Variants in PLCL1 observed in about 807,000 individuals in gnomAD.
PLCL1 encodes the protein inactive phospholipase C-like protein 1.
Under a neutral mutation model 84.4 loss-of-function variants are expected in PLCL1, and 41 were observed. The observed-to-expected ratio is 0.49, with a 90% CI of 0.38 to 0.63. The LOEUF is 0.63. Ranked by LOEUF, PLCL1 falls within the 30% of genes least tolerant of loss-of-function variation. The pLI, the probability that PLCL1 is intolerant of heterozygous loss-of-function variation, is 0.00. For missense variants in PLCL1, 1,206 were observed against 1,367.8 expected (o/e 0.88, Z 1.87); for synonymous variants, 490 against 488.3 (o/e 1.00, Z -0.05).
At chr2:198,121,616 A>G (rs527773218) in intron 5 of PLCL1, among the ~76,000 whole-genome samples, 1 of 152,078 alleles carries the variant, frequency 6.6e-6, no homozygotes, top group Non-Finnish European at 1.5e-5. Context: ...AGTTTACTGT[A>G]GGTGTGTAGA....
intron 1 of PLCL1, among the ~76,000 whole-genome samples, chr2:197,954,493 G>A (rs1249643811): frequency 6.6e-6 from 1 of 151,994 alleles, no homozygotes; most frequent in Non-Finnish European, 1.5e-5. Context: ...TAATCTCTAT[G>A]GTTTTTCAGC....
intron 1 of PLCL1, among the ~76,000 whole-genome samples, chr2:197,812,384 A>G (rs1369306158): frequency 6.6e-6 from 1 of 152,212 alleles, no homozygotes; most frequent in Non-Finnish European, 1.5e-5. Flanking sequence ...ACTGCTTTCC[A>G]CAGTGACTGA....
chr2:198,031,207 C>CAA (rs58115602), intron 1 of PLCL1, among the ~76,000 whole-genome samples: 1,304 of 79,652 alleles, frequency 0.016, 37 homozygotes, highest in African/African-American at 0.051. Flanking sequence ...CTTGTCTCTA[C>CAA]AAAAAAAAAA....
intron 5 of PLCL1, among the ~76,000 whole-genome samples, chr2:198,112,056 T>C (rs1250691403): frequency 1.3e-5 from 2 of 151,890 alleles, no homozygotes; most frequent in African/African-American, 4.8e-5. Flanking sequence ...ACAACTCTCT[T>C]TTCTCAATCT....
intron 5 of PLCL1, among the ~76,000 whole-genome samples, chr2:198,104,809 G>T (rs943219132): frequency 3.3e-5 from 5 of 152,000 alleles, no homozygotes; most frequent in Non-Finnish European, 7.4e-5. Context: ...TTATATGCTT[G>T]TTGGCCGCGT....
chr2:198,013,050 T>A (rs1476900795), intron 1 of PLCL1, among the ~76,000 whole-genome samples: 1 of 152,100 alleles, frequency 6.6e-6, no homozygotes, highest in East Asian at 1.9e-4. Flanking sequence ...GAACATAGAT[T>A]TATCATTACT....
At chr2:197,903,468 ATTTTTTTTTTTTTTTTT>A (rs3056105) in intron 1 of PLCL1, among the ~76,000 whole-genome samples, 7 of 47,796 alleles carry the variant, frequency 1.5e-4, no homozygotes, top group South Asian at 2.2e-3. Context: ...CTCCATTTAA[ATTTTTTTTTTTTTTTTT>A]TTTTTTTTTT....
At chr2:198,145,928 G>A (rs1474401182) in intron 5 of PLCL1, among the ~76,000 whole-genome samples, 3 of 152,140 alleles carry the variant, frequency 2.0e-5, no homozygotes, top group Non-Finnish European at 4.4e-5. Flanking sequence ...ATGGAGAGGA[G>A]AGGGAAGAAG....
intron 5 of PLCL1, among the ~76,000 whole-genome samples, chr2:198,104,404 G>T (rs751036984): frequency 1.3e-5 from 2 of 151,992 alleles, no homozygotes; most frequent in Non-Finnish European, 2.9e-5. Context: ...GTATTCTGTG[G>T]TGTATATGTA....
chr2:198,031,212 A>AAAG (rs1691412578), intron 1 of PLCL1, among the ~76,000 whole-genome samples: 1 of 151,430 alleles, frequency 6.6e-6, no homozygotes. Flanking sequence ...CTCTACAAAA[A>AAAG]AAAAAAAAAA....
intron 1 of PLCL1, among the ~76,000 whole-genome samples, chr2:198,004,221 A>G (rs1274027606): frequency 6.6e-6 from 1 of 152,186 alleles, no homozygotes; most frequent in South Asian, 2.1e-4. Context: ...TGGAAACTCA[A>G]TAGATCTTAA....
intron 1 of PLCL1, among the ~76,000 whole-genome samples, chr2:197,881,228 GT>G (rs1435365130): frequency 2.0e-5 from 3 of 152,106 alleles, no homozygotes; most frequent in Non-Finnish European, 2.9e-5. Context: ...ATATGTGACG[GT>G]TTCAGCACCT....
intron 1 of PLCL1, among the ~76,000 whole-genome samples, chr2:197,850,992 A>G (rs1366323180): frequency 2.0e-5 from 3 of 152,220 alleles, no homozygotes; most frequent in African/African-American, 7.2e-5. Flanking sequence ...TTCCTAAGGA[A>G]GCCTACCTGT....
chr2:197,805,338 A>G lies in PLCL1; in HGVS notation c.239A>G (p.Lys80Arg), dbSNP rs1052350934. 2 of 1,331,376 alleles carry G rather than the reference A, an allele frequency of 1.5e-6. No individual in the cohort carries two copies. Among genetic ancestry groups the G allele is most frequent in the African/African-American group, 1.5e-5 (1 of 65,468 alleles). 82.5% of individuals were successfully genotyped at this position (1,331,376 alleles called of 1,614,324 possible). A position where few individuals can be genotyped will look rare whatever the true frequency, so the allele number is the denominator to read the frequency against. The change falls in exon 1 of 6, where the codon AAG becomes AGG. Residue 80 changes from lysine (K) to arginine (R), a missense_variant and splice_region_variant. By Grantham distance (26) the Lys-to-Arg change is conservative (BLOSUM62 2). Coordinates refer to ENST00000428675, the MANE Select transcript of PLCL1 (RefSeq NM_006226.4). The surrounding 1 kb of genome is among the most constrained non-coding windows in gnomAD (Gnocchi z 4.0). Reference protein sequence around the residue: ...RATPRRSSIIKDPSNQKCGGR... With the variant: ...RATPRRSSIIRDPSNQKCGGR... ...ACCCCCCGGCGCAGCAGCATCATCA[A>G]GGTAAGCAAAGCCGCGCCGCACCGG... is the stretch of plus-strand genomic sequence containing the variant.
At chr2:198,003,990 T>C (rs1218702028) in intron 1 of PLCL1, among the ~76,000 whole-genome samples, 1 of 152,190 alleles carries the variant, frequency 6.6e-6, no homozygotes, top group African/African-American at 2.4e-5. Flanking sequence ...ATTCAATGCA[T>C]GCATAGGACC....
chr2:198,101,427 G>C (rs1358773253), intron 4 of PLCL1, 67 bp downstream of exon 4: 3 of 865,444 alleles, frequency 3.5e-6, no homozygotes, highest in African/African-American at 3.6e-5. Flanking sequence ...AATAATTCTT[G>C]GTAGATTTTT....
In PLCL1 at chr2:198,147,594, CA is replaced by C. The variant is rs1371939736; in HGVS notation, c.*633del. On this transcript the variant is annotated 3_prime_UTR_variant, in exon 6 of 6. Transcript: ENST00000428675. ...AAAAAGATTAGCAAGGTCATTTCTT[CA>C]GTCAGAAAACTTTAAAAAATATTTA... The C allele has an allele frequency of 6.6e-6, 1 of 152,110 alleles. No individual in the cohort carries two copies. Among genetic ancestry groups the C allele is most frequent in the Non-Finnish European group, 1.5e-5 (1 of 68,000 alleles). The allele number at this position is 152,110 out of a possible 1,614,324, so 9.4% of individuals were successfully genotyped here. A position where few individuals can be genotyped will look rare whatever the true frequency, so the allele number is the denominator to read the frequency against.
rs1688464626 is a variant in PLCL1, at chr2:197,910,381, T to C, written c.240+105042T>C. On this transcript the variant is annotated intron_variant, in intron 1 of 5. Coordinates refer to ENST00000428675, the MANE Select transcript of PLCL1 (RefSeq NM_006226.4). ...CATCTTGTCCTACTTGGGCAGGAAT[T>C]AGTAGACACTCAACAAATATTAGCT... Among the ~76,000 whole-genome samples the C allele has an allele frequency of 2.6e-5, 4 of 152,236 alleles. No homozygotes were observed. In the South Asian group the frequency reaches 8.3e-4, roughly 31 times the overall value.
At position 197,885,466 on chromosome 2, in the gene PLCL1, A is replaced by T. The variant is rs139981397; in HGVS notation, c.240+80127A>T. The stretch of plus-strand genomic sequence containing the variant: ...TTTCTTCCATGTTTTGTTCTATTCA[A>T]AATGGATTGGCTGATGCCCACAGTG... On this transcript the variant is annotated intron_variant, in intron 1 of 5. Coordinates refer to ENST00000428675, the MANE Select transcript of PLCL1 (RefSeq NM_006226.4). 2.3e-3 allele frequency among the ~76,000 whole-genome samples: 347 copies of T among 152,316 alleles called. 1 individual carries two copies. Among genetic ancestry groups the T allele is most frequent in the African/African-American group, 7.9e-3 (327 of 41,574 alleles).
Sources: allele counts gnomAD v4.1 joint callset (sites outside exome capture counted in the v4.1 genomes callset), GRCh38; gene constraint gnomAD v4.1.1; non-coding constraint Gnocchi (gnomAD v3.1); transcripts MANE v1.5; gene names NCBI Gene and HGNC (gene_info 2026-07-23, HGNC 2026-07-21).